The following SPTA1 variants were observed in gnomAD, a reference collection of about 807,000 sequenced individuals.
The protein encoded by SPTA1 is spectrin alpha chain, erythrocytic 1.
SPTA1 carries 177 observed loss-of-function variants against 324.7 expected under a neutral mutation model. The ratio of observed to expected loss-of-function variants is 0.55; its 90% CI spans 0.48 to 0.62. The LOEUF is 0.62. Ranked by LOEUF, SPTA1 falls within the 20% of genes least tolerant of loss-of-function variation. The pLI is 0.00. For synonymous variants in SPTA1, 1,195 were observed against 1,041.3 expected (o/e 1.15, Z -2.84); for missense variants, 3,162 against 2,883.6 (o/e 1.10, Z -2.21).
At chr1:158,660,244 T>C (rs1039418386) in intron 18 of SPTA1, among the ~76,000 whole-genome samples, 5 of 152,134 alleles carry the variant, frequency 3.3e-5, no homozygotes, top group African/African-American at 1.2e-4. Context: ...CCAGATTGAA[T>C]AGAATAAAAA....
intron 18 of SPTA1, among the ~76,000 whole-genome samples, chr1:158,660,605 A>G (rs986862484): frequency 6.6e-6 from 1 of 152,258 alleles, no homozygotes; most frequent in Non-Finnish European, 1.5e-5. Flanking sequence ...GAATTTCTAC[A>G]GTTGTTGGTT....
intron 39 of SPTA1, among the ~76,000 whole-genome samples, chr1:158,633,666 A>G (rs1022691182): frequency 4.6e-5 from 7 of 151,012 alleles, no homozygotes; most frequent in Admixed American, 4.6e-4. Context: ...GTCTCGAAAA[A>G]AAAAAAAAAA....
chr1:158,658,794 A>G (rs772881045), intron 18 of SPTA1, among the ~76,000 whole-genome samples: 2 of 152,192 alleles, frequency 1.3e-5, no homozygotes, highest in Non-Finnish European at 2.9e-5. Flanking sequence ...GATCATGATG[A>G]CAGCAGACTT....
chr1:158,650,857 G>A (rs863327), intron 24 of SPTA1, among the ~76,000 whole-genome samples: 31,910 of 152,104 alleles, frequency 0.21, 4,130 homozygotes, highest in East Asian at 0.44. Flanking sequence ...AGAAGATTAA[G>A]AGGAGGTTTG....
intron 12 of SPTA1, 147 bp from the exon 13 acceptor site, chr1:158,669,933 T>A (rs141638372): frequency 6.5e-6 from 5 of 766,218 alleles, no homozygotes; most frequent in Non-Finnish European, 4.5e-6. Flanking sequence ...TATTCAGGTT[T>A]CTGTTATAAA....
chr1:158,648,803 G>T, intron 25 of SPTA1, 150 bp from the exon 26 acceptor site: 1 of 771,220 alleles, frequency 1.3e-6, no homozygotes, highest in Non-Finnish European at 2.0e-6. Context: ...TTTTTTATGT[G>T]CTAGAAACTT....
chr1:158,650,030 A>C, intron 24 of SPTA1, 83 bp from the exon 25 acceptor site: 1 of 954,504 alleles, frequency 1.0e-6, no homozygotes, highest in South Asian at 1.4e-5. Flanking sequence ...ACAAGATTTA[A>C]AACATAGTTG....
At position 158,636,756 on chromosome 1, in the gene SPTA1, T is replaced by G. The variant is rs370558180; in HGVS notation, c.5195A>C (p.Lys1732Thr). 8.1e-6 allele frequency: 13 copies of G among 1,613,990 alleles called. No individual in the cohort carries two copies. The highest frequency in any genetic ancestry group is 1.0e-5 in the Non-Finnish European group (12 of 1,180,000). The change falls in exon 37 of 52, where the codon AAG (lysine) becomes ACG (threonine). Residue 1732 changes from lysine to threonine, a missense_variant. Physicochemically the swap from Lys to Thr is moderately conservative, Grantham distance 78. Transcript: ENST00000643759. ...GTCCTGGGAGCTCACTCGTATCAAC[T>G]TCTCCCTAAAATCAAGGAAGAAAAC... ...LDDEESWIEE[K>T]LIRVSSQDYG...
intron 29 of SPTA1, 21 bp downstream of exon 29, chr1:158,645,167 C>T (rs1397094878): frequency 1.2e-6 from 2 of 1,613,452 alleles, no homozygotes; most frequent in Non-Finnish European, 1.7e-6. Context: ...ACCTGCTTAA[C>T]AATTGGGAAA....
rs1405071000 is a variant in SPTA1 at position 158,614,248 on chromosome 1, C to T, written c.6842+5G>A. 3 of 1,576,230 alleles carry T rather than the reference C, an allele frequency of 1.9e-6. No individual in the cohort carries two copies. Among genetic ancestry groups the T allele is most frequent in the Non-Finnish European group, 2.6e-6 (3 of 1,146,156 alleles). ...AGAAGCAGTTAACTATGAAATTATA[C>T]TCACTTATAGATTGTGCTAAATTCC... On this transcript the variant is annotated splice_donor_5th_base_variant and intron_variant, in intron 49 of 51. Transcript: ENST00000643759.
Position 158,667,890 on chromosome 1 carries a change from C to T in SPTA1, c.2006G>A (p.Trp669Ter). The T allele has an allele frequency of 2.5e-6, 4 of 1,614,016 alleles. No individual in the cohort carries two copies. The highest frequency in any genetic ancestry group is 3.4e-6 in the Non-Finnish European group (4 of 1,179,984). Residue 669 changes from tryptophan (W) to a stop codon, truncating the protein, a stop_gained, in exon 15 of 52, where the codon TGG becomes TAG. Coordinates refer to ENST00000643759, the MANE Select transcript of SPTA1 (RefSeq NM_003126.4). LOFTEE classifies it high-confidence loss of function. Reference protein sequence around the residue: ...TTRLSEVASLWEELLEATKQK... With the variant: ...TTRLSEVASL ...TTTTGTAGCCTCCAGCAACTCCTCC[C>T]AGAGGCTGGCAACTTCACTCAGACG...
intron 45 of SPTA1, among the ~76,000 whole-genome samples, chr1:158,618,706 T>A (rs2101756708): frequency 6.6e-6 from 1 of 152,326 alleles, no homozygotes; most frequent in Middle Eastern, 3.4e-3. Flanking sequence ...CACAACAGAA[T>A]AGCTTCATAT....
At chr1:158,643,484 C>T in intron 30 of SPTA1, 59 bp from the exon 31 acceptor site, 2 of 1,483,088 alleles carry the variant, frequency 1.3e-6, no homozygotes, top group African/African-American at 1.4e-5. Flanking sequence ...TGGTGCAATC[C>T]CAGACTCCCT....
chr1:158,614,914 G>T, intron 48 of SPTA1: 2 of 328,072 alleles, frequency 6.1e-6, no homozygotes, highest in East Asian at 5.9e-5. Flanking sequence ...TCTATGAAAG[G>T]GAATGGTTTC....
chr1:158,648,420 C>G, intron 26 of SPTA1, 89 bp downstream of exon 26: 1 of 1,562,562 alleles, frequency 6.4e-7, no homozygotes, highest in African/African-American at 1.4e-5. Context: ...GAATAAAAGA[C>G]TGAAAAAGAG....
Position 158,626,829 on chromosome 1 carries a change from C to T in SPTA1, c.5833+10G>A, listed in dbSNP as rs764426569. 6.2e-6 allele frequency: 10 copies of T among 1,613,476 alleles called. No homozygotes were observed. Among genetic ancestry groups the T allele is most frequent in the Admixed American group, 5.0e-5 (3 of 59,998 alleles). ...CAAACCCAAGGGACCCTGAACCTGA[C>T]ACATCATACCTATCCAAGCCTCTAC... On this transcript the variant is annotated intron_variant, in intron 41 of 51. Transcript: ENST00000643759.
At position 158,677,774 on chromosome 1, in the gene SPTA1, G is replaced by A; in HGVS notation, c.873C>T (p.Asp291=). The change falls in exon 7 of 52, where the codon GAC becomes GAT. Residue 291 remains aspartate, a synonymous_variant. Transcript: ENST00000643759. ...KEKEPVLTSE[D]YGKDLVASEG... ...CAGAGGCAACAAGGTCTTTGCCATA[G>A]TCCTCAGAGGTGAGTACAGGTTCCT... 1 of 1,613,660 alleles carries A rather than the reference G, an allele frequency of 6.2e-7. No homozygotes were observed. The highest frequency in any genetic ancestry group is 8.5e-7 in the Non-Finnish European group (1 of 1,179,748).
intron 17 of SPTA1, 32 bp downstream of exon 17, chr1:158,662,670 C>T: frequency 6.2e-7 from 1 of 1,613,032 alleles, no homozygotes; most frequent in Non-Finnish European, 8.5e-7. Flanking sequence ...TGGTCCTTTC[C>T]TAGTGGCTCA....
intron 24 of SPTA1, among the ~76,000 whole-genome samples, chr1:158,650,864 T>TTTGGA (rs1652377141): frequency 6.6e-6 from 1 of 152,094 alleles, no homozygotes; most frequent in Non-Finnish European, 1.5e-5. Context: ...TAAGAGGAGG[T>TTTGGA]TTGGATATTG....
Sources: allele counts gnomAD v4.1 joint callset (sites outside exome capture counted in the v4.1 genomes callset), GRCh38; gene constraint gnomAD v4.1.1; transcripts MANE v1.5; gene names NCBI Gene and HGNC (gene_info 2026-07-23, HGNC 2026-07-21).